ANKH: variants seen among roughly 807,000 people sequenced by gnomAD.
The protein encoded by ANKH is ANKH inorganic pyrophosphate transport regulator.
ANKH carries 15 observed loss-of-function variants against 49.0 expected under a neutral mutation model. The observed-to-expected ratio is 0.31, with a 90% CI of 0.20 to 0.47. The LOEUF (loss-of-function observed/expected upper bound fraction) is 0.47, where lower values mean the gene tolerates loss of function less well. Among genes scored for constraint, ANKH ranks in the 20% least tolerant of loss-of-function variants. ANKH has a pLI of 1.00. For missense variants in ANKH, 429 were observed against 652.0 expected (o/e 0.66, Z 3.72); for synonymous variants, 273 against 260.0 (o/e 1.05, Z -0.48).
chr5:14,716,637 T>C (rs945684377), intron 9 of ANKH, 69 bp downstream of exon 9: 3 of 1,603,342 alleles, frequency 1.9e-6, no homozygotes, highest in Admixed American at 3.3e-5. Flanking sequence ...ATTGCAAACA[T>C]TTCCAAAGAA....
In ANKH at chr5:14,718,847, AAAGACAT is replaced by A. The variant is rs1737572721; in HGVS notation, c.1012-2019_1012-2013del. Among the ~76,000 whole-genome samples, 3 of 148,940 alleles carry A rather than the reference AAAGACAT, an allele frequency of 2.0e-5. No homozygotes were observed. In the East Asian group the frequency reaches 6.0e-4, roughly 30 times the overall value. Reference sequence around the variant, plus strand: ...CAACACCACCCCCCCCCCAAAAAAAAAAGACATAGAAAAAGATAAAAGCAGAAAGGAA... The same window carrying A: ...CAACACCACCCCCCCCCCAAAAAAAAAGAAAAAGATAAAAGCAGAAAGGAA... On this transcript the variant is annotated intron_variant, in intron 8 of 11. Transcript: ENST00000284268.
At chr5:14,858,489 G>A (rs995401400) in intron 1 of ANKH, among the ~76,000 whole-genome samples, 1 of 152,188 alleles carries the variant, frequency 6.6e-6, no homozygotes, top group Admixed American at 6.5e-5. Flanking sequence ...GGCCAAGGGG[G>A]TGCGGATCAC....
intron 8 of ANKH, chr5:14,724,508 A>C: frequency 1.0e-6 from 1 of 974,584 alleles, no homozygotes; most frequent in Non-Finnish European, 1.2e-6. Context: ...GGATCAGTGC[A>C]GTGATGAAGG....
rs55658654 is a variant in ANKH, at chr5:14,797,886, C to T, written c.97-28695G>A. On this transcript the variant is annotated intron_variant, in intron 1 of 11. Transcript: ENST00000284268. ...GCCTTCCTTCTGATGTCCACGGAGA[C>T]GCAAGTCTGGGTTGCATTCTCCAGA... is the stretch of plus-strand genomic sequence containing the variant. 393 of 1,612,122 alleles carry T rather than the reference C, an allele frequency of 2.4e-4. 5 individuals carry two copies. In the South Asian group the frequency reaches 2.9e-3, roughly 12 times the overall value.
intron 1 of ANKH, among the ~76,000 whole-genome samples, chr5:14,841,456 C>A (rs550172199): frequency 6.6e-6 from 1 of 152,204 alleles, no homozygotes; most frequent in East Asian, 1.9e-4. Flanking sequence ...GCCCCAACGC[C>A]TGGCTAATTT....
intron 1 of ANKH, among the ~76,000 whole-genome samples, chr5:14,843,691 G>A (rs1029548253): frequency 3.9e-5 from 6 of 152,136 alleles, no homozygotes; most frequent in Middle Eastern, 3.4e-3. Context: ...CTTAACATGC[G>A]TTTCTCTCCT....
chr5:14,829,782 C>T (rs1741451437), intron 1 of ANKH, among the ~76,000 whole-genome samples: 1 of 152,200 alleles, frequency 6.6e-6, no homozygotes, highest in South Asian at 2.1e-4. Context: ...CTGTCCTCCC[C>T]ATCCTCAGGA....
intron 1 of ANKH, among the ~76,000 whole-genome samples, chr5:14,816,819 A>C (rs1020343507): frequency 6.6e-6 from 1 of 152,208 alleles, no homozygotes; most frequent in African/African-American, 2.4e-5. Flanking sequence ...CAGGATGAAC[A>C]CGATGGCAAA....
chr5:14,817,870 C>G (rs2126582232), intron 1 of ANKH, among the ~76,000 whole-genome samples: 1 of 152,066 alleles, frequency 6.6e-6, no homozygotes, highest in African/African-American at 2.4e-5. Context: ...AACCAATGGC[C>G]TTGGTCAACA....
chr5:14,708,112 C>T lies in ANKH; in HGVS notation c.*3085G>A, dbSNP rs1474728678. 2.0e-5 allele frequency: 3 copies of T among 152,216 alleles called. No individual in the cohort carries two copies. The highest frequency in any genetic ancestry group is 2.9e-5 in the Non-Finnish European group (2 of 68,036). The allele number at this position is 152,216 out of a possible 1,614,324, so 9.4% of individuals were successfully genotyped here. A position where few individuals can be genotyped will look rare whatever the true frequency, so the allele number is the denominator to read the frequency against. ...GCTCAGTTGTTGTCTCACTGACGCC[C>T]TTTGCCACTGAGATCCCTGTAAGTC... On this transcript the variant is annotated 3_prime_UTR_variant, in exon 12 of 12. Coordinates refer to ENST00000284268, the MANE Select transcript of ANKH (RefSeq NM_054027.6).
At chr5:14,790,647 G>A (rs534570253) in intron 1 of ANKH, among the ~76,000 whole-genome samples, 21 of 152,206 alleles carry the variant, frequency 1.4e-4, no homozygotes, top group East Asian at 5.8e-4. Context: ...TCACTCTGTC[G>A]CCCAGGCTGG....
At chr5:14,818,598 T>C (rs42680) in intron 1 of ANKH, among the ~76,000 whole-genome samples, 90,646 of 144,396 alleles carry the variant, frequency 0.63, 28,767 homozygotes, top group East Asian at 0.83. Flanking sequence ...GAGCCGAGAT[T>C]GCACCATTGC....
Position 14,839,857 on chromosome 5 carries a change from C to G in ANKH, c.96+31495G>C, listed in dbSNP as rs567116155. On this transcript the variant is annotated intron_variant, in intron 1 of 11. Coordinates refer to ENST00000284268, the MANE Select transcript of ANKH (RefSeq NM_054027.6). Reference sequence around the variant, plus strand: ...GGGAAGAGATGTAAAGATGCAAGCACGTACCCCATCAGAGGTAGAAACATG... The same window carrying G: ...GGGAAGAGATGTAAAGATGCAAGCAGGTACCCCATCAGAGGTAGAAACATG... 7.2e-5 allele frequency among the ~76,000 whole-genome samples: 11 copies of G among 152,312 alleles called. No homozygotes were observed. In the South Asian group the frequency reaches 2.3e-3, roughly 32 times the overall value.
At chr5:14,866,634 C>G (rs1561090980) in intron 1 of ANKH, among the ~76,000 whole-genome samples, 1 of 152,096 alleles carries the variant, frequency 6.6e-6, no homozygotes. Context: ...TGCTCCTTTC[C>G]TTAGCAATCT....
intron 8 of ANKH, among the ~76,000 whole-genome samples, chr5:14,736,982 ACAG>A (rs1738208127): frequency 1.3e-5 from 2 of 152,266 alleles, no homozygotes; most frequent in Non-Finnish European, 2.9e-5. Context: ...GAGAAGATAA[ACAG>A]CAGATGTTCT....
chr5:14,837,916 T>G (rs1247518669), intron 1 of ANKH, among the ~76,000 whole-genome samples: 1 of 152,166 alleles, frequency 6.6e-6, no homozygotes, highest in Non-Finnish European at 1.5e-5. Flanking sequence ...ATATATACCA[T>G]GGAATACTAT....
At chr5:14,817,527 AGACCAGCT>A (rs1292502328) in intron 1 of ANKH, among the ~76,000 whole-genome samples, 5 of 152,248 alleles carry the variant, frequency 3.3e-5, no homozygotes, top group Non-Finnish European at 5.9e-5. Context: ...TGCTCCCCAG[AGACCAGCT>A]TTCTCCTTAC....
At chr5:14,714,245 G>A (rs1332749166) in intron 9 of ANKH, among the ~76,000 whole-genome samples, 3 of 152,204 alleles carry the variant, frequency 2.0e-5, no homozygotes, top group Non-Finnish European at 4.4e-5. Flanking sequence ...CCTCGTTGGT[G>A]TGCTGCCATT....
intron 1 of ANKH, among the ~76,000 whole-genome samples, chr5:14,837,087 T>TC (rs1741677808): frequency 6.6e-6 from 1 of 152,142 alleles, no homozygotes; most frequent in African/African-American, 2.4e-5. Flanking sequence ...TGAAACTGGA[T>TC]CCCTTCCTTA....
Sources: allele counts gnomAD v4.1 joint callset (sites outside exome capture counted in the v4.1 genomes callset), GRCh38; gene constraint gnomAD v4.1.1; transcripts MANE v1.5; gene names NCBI Gene and HGNC (gene_info 2026-07-23, HGNC 2026-07-21).